The following ZNF652 variants were observed in gnomAD, a reference collection of about 807,000 sequenced individuals.
The protein encoded by ZNF652 is zinc finger protein 652.
Under a neutral mutation model 45.2 loss-of-function variants are expected in ZNF652, and 16 were observed. The ratio of observed to expected loss-of-function variants is 0.35; its 90% CI spans 0.24 to 0.54. ZNF652 has a LOEUF of 0.54. Among genes scored for constraint, ZNF652 ranks in the 20% least tolerant of loss-of-function variants. ZNF652 has a pLI of 0.91. For missense variants in ZNF652, 614 were observed against 765.6 expected (o/e 0.80, Z 2.34); for synonymous variants, 250 against 260.6 (o/e 0.96, Z 0.39).
chr17:49,298,188 T>G lies in ZNF652; in HGVS notation c.*225A>C. The G allele has an allele frequency of 3.6e-6, 2 of 549,170 alleles. No individual in the cohort carries two copies. The highest frequency in any genetic ancestry group is 6.3e-6 in the Non-Finnish European group (2 of 318,030). 34.0% of individuals were successfully genotyped at this position (549,170 alleles called of 1,614,324 possible). On this transcript the variant is annotated 3_prime_UTR_variant, in exon 6 of 6. Coordinates refer to ENST00000430262, the MANE Select transcript of ZNF652 (RefSeq NM_001145365.3). ...AAAGTCATCAGAAAATGCAAGCAAATTGGGCTTTAGTTCAGTGGTTCCCCT... is the reference window on the plus strand; with the variant it reads ...AAAGTCATCAGAAAATGCAAGCAAAGTGGGCTTTAGTTCAGTGGTTCCCCT...
intron 1 of ZNF652, among the ~76,000 whole-genome samples, chr17:49,349,526 A>G (rs1235228234): frequency 2.0e-5 from 3 of 152,222 alleles, no homozygotes; most frequent in African/African-American, 7.2e-5. Context: ...CTTATCTACA[A>G]TGGTATTCTG....
chr17:49,340,568 A>AG (rs1425771427), intron 1 of ZNF652, among the ~76,000 whole-genome samples: 14 of 122,498 alleles, frequency 1.1e-4, no homozygotes, highest in African/African-American at 3.5e-4. Context: ...AAAAAAAAAA[A>AG]AAAGAAAGAA....
intron 1 of ZNF652, among the ~76,000 whole-genome samples, chr17:49,357,810 G>T (rs2070353247): frequency 6.6e-6 from 1 of 152,170 alleles, no homozygotes; most frequent in Non-Finnish European, 1.5e-5. Context: ...TGTAGAATTT[G>T]GAGCTAGATT....
At chr17:49,309,193 C>CA (rs1291838586) in intron 5 of ZNF652, among the ~76,000 whole-genome samples, 1 of 151,704 alleles carries the variant, frequency 6.6e-6, no homozygotes, top group Non-Finnish European at 1.5e-5. Flanking sequence ...TCCGCCTTCA[C>CA]AAAAAACTTA....
At chr17:49,318,754 C>T (rs1416814365) in intron 1 of ZNF652, among the ~76,000 whole-genome samples, 2 of 152,150 alleles carry the variant, frequency 1.3e-5, no homozygotes, top group Non-Finnish European at 2.9e-5. Context: ...TCACCATGTC[C>T]ATCACAGTGA....
At chr17:49,300,747 A>T (rs2143706895) in intron 5 of ZNF652, among the ~76,000 whole-genome samples, 1 of 152,168 alleles carries the variant, frequency 6.6e-6, no homozygotes, top group South Asian at 2.1e-4. Context: ...TCTCTCAACG[A>T]ATGTGTTTAT....
At chr17:49,323,719 C>T (rs1275288246) in intron 1 of ZNF652, among the ~76,000 whole-genome samples, 2 of 152,202 alleles carry the variant, frequency 1.3e-5, no homozygotes, top group African/African-American at 4.8e-5. Flanking sequence ...TCCCCTTGTA[C>T]ATCTCCATCA....
intron 1 of ZNF652, among the ~76,000 whole-genome samples, chr17:49,356,552 T>C (rs2070339764): frequency 1.3e-5 from 2 of 151,942 alleles, no homozygotes; most frequent in Admixed American, 1.3e-4. Context: ...TTTGTTTGTT[T>C]AGTCATTCTC....
intron 5 of ZNF652, among the ~76,000 whole-genome samples, chr17:49,307,061 T>C (rs1160248278): frequency 6.6e-6 from 1 of 152,058 alleles, no homozygotes; most frequent in Non-Finnish European, 1.5e-5. Flanking sequence ...CCTGTGGCTA[T>C]CTATAACAGT....
chr17:49,299,620 A>C (rs996502988), intron 5 of ZNF652, among the ~76,000 whole-genome samples: 3 of 151,814 alleles, frequency 2.0e-5, no homozygotes, highest in Admixed American at 6.6e-5. Context: ...ACCTCAGGTG[A>C]TCTACCCACC....
intron 5 of ZNF652, among the ~76,000 whole-genome samples, chr17:49,304,024 G>A (rs950415674): frequency 6.6e-6 from 1 of 150,564 alleles, no homozygotes; most frequent in Non-Finnish European, 1.5e-5. Flanking sequence ...GAGTAGCTGG[G>A]ACTACAGGCG....
Position 49,293,961 on chromosome 17 carries a change from GTTT to G in ZNF652, c.*4449_*4451del, listed in dbSNP as rs987928358. ...AAACAGAAAGGTTTCTCTAACTTTA[GTTT>G]TTTAGTTTTTTTTTAAAACATTAAA... On this transcript the variant is annotated 3_prime_UTR_variant, in exon 6 of 6. Transcript: ENST00000430262. Among the ~76,000 whole-genome samples, 2 of 151,894 alleles carry G rather than the reference GTTT, an allele frequency of 1.3e-5. No individual in the cohort carries two copies. The highest frequency in any genetic ancestry group is 4.8e-5 in the African/African-American group (2 of 41,384).
At chr17:49,310,990 T>A (rs1485488172) in intron 5 of ZNF652, among the ~76,000 whole-genome samples, 3 of 152,158 alleles carry the variant, frequency 2.0e-5, no homozygotes, top group Non-Finnish European at 2.9e-5. Flanking sequence ...CAGAACCCTT[T>A]CCTTAGGAAA....
chr17:49,311,282 TTATCTG>T (rs980686107), intron 5 of ZNF652, 24 bp downstream of exon 5: 1 of 1,606,050 alleles, frequency 6.2e-7, no homozygotes, highest in Non-Finnish European at 8.5e-7. Context: ...GCTTGAGACA[TTATCTG>T]TACCTTTCCC....
intron 5 of ZNF652, among the ~76,000 whole-genome samples, chr17:49,304,878 G>GTATA (rs10601579): frequency 1.8e-4 from 27 of 149,226 alleles, no homozygotes; most frequent in Admixed American, 7.4e-4. Flanking sequence ...ATATATATGT[G>GTATA]TATATATATA....
Position 49,291,359 on chromosome 17 carries a change from T to C in ZNF652, c.*7054A>G, listed in dbSNP as rs1419579619. The C allele has an allele frequency of 2.6e-5, 4 of 152,234 alleles. No homozygotes were observed. Among genetic ancestry groups the C allele is most frequent in the African/African-American group, 9.6e-5 (4 of 41,452 alleles). 9.4% of individuals were successfully genotyped at this position (152,234 alleles called of 1,614,324 possible). ...GCACATCCAGTACAGACACAGGCTC[T>C]TTAGTTGATCAGAACTAGCCAAGGC... is the stretch of plus-strand genomic sequence containing the variant. On this transcript the variant is annotated 3_prime_UTR_variant, in exon 6 of 6. Transcript: ENST00000430262.
intron 1 of ZNF652, 95 bp downstream of exon 1, chr17:49,361,814 A>C (rs1326523296): frequency 6.6e-6 from 1 of 151,214 alleles, no homozygotes; most frequent in Admixed American, 6.6e-5. Flanking sequence ...CGGCCCCCGG[A>C]GCCCGGGCCG....
At chr17:49,305,380 G>A (rs1269905467) in intron 5 of ZNF652, among the ~76,000 whole-genome samples, 1 of 151,940 alleles carries the variant, frequency 6.6e-6, no homozygotes, top group Non-Finnish European at 1.5e-5. Flanking sequence ...CTGGGAGGCG[G>A]AGGTTGCAGT....
At chr17:49,351,013 A>ATG (rs2070273292) in intron 1 of ZNF652, among the ~76,000 whole-genome samples, 1 of 17,638 alleles carries the variant, frequency 5.7e-5, no homozygotes, top group Non-Finnish European at 1.0e-4. Context: ...ATATATATAT[A>ATG]TACACACACA....
Sources: allele counts gnomAD v4.1 joint callset (sites outside exome capture counted in the v4.1 genomes callset), GRCh38; gene constraint gnomAD v4.1.1; transcripts MANE v1.5; gene names NCBI Gene and HGNC (gene_info 2026-07-23, HGNC 2026-07-21).